Variants in ITGA9 observed in about 807,000 individuals in gnomAD.
The protein encoded by ITGA9 is integrin alpha-9.
ITGA9 carries 56 observed loss-of-function variants against 127.8 expected under a neutral mutation model. The observed-to-expected ratio is 0.44, with a 90% CI of 0.35 to 0.55. ITGA9 has a LOEUF of 0.55. Ranked by LOEUF, ITGA9 falls within the 20% of genes least tolerant of loss-of-function variation. The pLI, the probability that ITGA9 is intolerant of heterozygous loss-of-function variation, is 0.00. For synonymous variants in ITGA9, 508 were observed against 514.5 expected (o/e 0.99, Z 0.17); for missense variants, 1,196 against 1,347.1 (o/e 0.89, Z 1.76).
At chr3:37,772,376 A>G (rs952707439) in intron 23 of ITGA9, among the ~76,000 whole-genome samples, 2 of 152,020 alleles carry the variant, frequency 1.3e-5, no homozygotes, top group Non-Finnish European at 1.5e-5. Context: ...CCACTGCACT[A>G]CAGCCTGGGT....
chr3:37,571,631 A>G (rs538290477), intron 15 of ITGA9, among the ~76,000 whole-genome samples: 6 of 152,288 alleles, frequency 3.9e-5, no homozygotes, highest in African/African-American at 1.4e-4. Flanking sequence ...GGTTGGGACT[A>G]GGAGTGCATT....
At chr3:37,761,680 T>C (rs1696724475) in intron 23 of ITGA9, among the ~76,000 whole-genome samples, 1 of 152,190 alleles carries the variant, frequency 6.6e-6, no homozygotes, top group African/African-American at 2.4e-5. Flanking sequence ...GTGGCTAAGT[T>C]GACGTTCACT....
chr3:37,557,171 T>C (rs556388957), intron 15 of ITGA9, among the ~76,000 whole-genome samples: 2 of 152,324 alleles, frequency 1.3e-5, no homozygotes, highest in East Asian at 3.9e-4. Flanking sequence ...TAAAGTGGTT[T>C]TCCTTCTCCT....
chr3:37,570,345 G>T (rs1699588682), intron 15 of ITGA9, among the ~76,000 whole-genome samples: 1 of 152,258 alleles, frequency 6.6e-6, no homozygotes, highest in African/African-American at 2.4e-5. Context: ...TGGGACAGGA[G>T]TAGGGGAATA....
intron 17 of ITGA9, among the ~76,000 whole-genome samples, chr3:37,657,454 C>G (rs1393604867): frequency 1.3e-5 from 2 of 152,088 alleles, no homozygotes; most frequent in African/African-American, 2.4e-5. Flanking sequence ...TCCATTTCTT[C>G]TAGATTTTCT....
chr3:37,719,868 C>G (rs985385828), intron 18 of ITGA9, among the ~76,000 whole-genome samples: 1 of 152,180 alleles, frequency 6.6e-6, no homozygotes, highest in African/African-American at 2.4e-5. Context: ...TGTGAATAGA[C>G]AGGTCTTCAG....
intron 6 of ITGA9, among the ~76,000 whole-genome samples, chr3:37,504,259 G>C (rs1331292743): frequency 6.6e-6 from 1 of 152,192 alleles, no homozygotes; most frequent in East Asian, 1.9e-4. Flanking sequence ...ATGCCAGGCT[G>C]TATGTATTAT....
chr3:37,735,310 C>T (rs976851725), intron 19 of ITGA9, among the ~76,000 whole-genome samples: 8 of 152,152 alleles, frequency 5.3e-5, no homozygotes, highest in Middle Eastern at 3.2e-3. Context: ...GTCCTCTTCC[C>T]GCCCTGTCTC....
chr3:37,656,432 G>T (rs1700478422), intron 17 of ITGA9, among the ~76,000 whole-genome samples: 1 of 152,032 alleles, frequency 6.6e-6, no homozygotes, highest in Non-Finnish European at 1.5e-5. Context: ...GGATTCCTAG[G>T]TATTTTATTC....
At chr3:37,598,794 A>G (rs1699891351) in intron 15 of ITGA9, among the ~76,000 whole-genome samples, 1 of 152,188 alleles carries the variant, frequency 6.6e-6, no homozygotes, top group African/African-American at 2.4e-5. Flanking sequence ...GGGGAAGCTC[A>G]GAAGTCTCTG....
At chr3:37,603,437 C>A (rs1699940048) in intron 15 of ITGA9, among the ~76,000 whole-genome samples, 1 of 152,072 alleles carries the variant, frequency 6.6e-6, no homozygotes, top group Non-Finnish European at 1.5e-5. Context: ...ACATCAAGGA[C>A]TTGTGTGTTC....
chr3:37,688,380 T>C (rs1700800560), intron 18 of ITGA9, among the ~76,000 whole-genome samples: 1 of 152,206 alleles, frequency 6.6e-6, no homozygotes, highest in Non-Finnish European at 1.5e-5. Context: ...AAACAATTTT[T>C]ATAAATATTT....
chr3:37,500,118 T>C (rs1338666789), intron 5 of ITGA9, among the ~76,000 whole-genome samples: 1 of 152,186 alleles, frequency 6.6e-6, no homozygotes, highest in Non-Finnish European at 1.5e-5. Flanking sequence ...CAAATTCCTT[T>C]CCAAGCTCAA....
chr3:37,476,914 A>G (rs1698500671), intron 3 of ITGA9, among the ~76,000 whole-genome samples: 1 of 152,162 alleles, frequency 6.6e-6, no homozygotes, highest in African/African-American at 2.4e-5. Flanking sequence ...TGAATAATAC[A>G]GGGACTGAGG....
intron 26 of ITGA9, among the ~76,000 whole-genome samples, chr3:37,788,551 A>G (rs1280111946): frequency 6.6e-6 from 1 of 152,132 alleles, no homozygotes; most frequent in Non-Finnish European, 1.5e-5. Context: ...TTCAATCTCA[A>G]AGAGGATACA....
intron 27 of ITGA9, among the ~76,000 whole-genome samples, chr3:37,815,037 GGGGT>G (rs1287909133): frequency 1.3e-5 from 2 of 152,224 alleles, no homozygotes; most frequent in African/African-American, 4.8e-5. Flanking sequence ...GTTTCAGCCA[GGGGT>G]GGGTGGGGGT....
chr3:37,548,492 C>T (rs1004690553), intron 15 of ITGA9, among the ~76,000 whole-genome samples: 1 of 152,134 alleles, frequency 6.6e-6, no homozygotes, highest in Non-Finnish European at 1.5e-5. Flanking sequence ...AAAAAAGTTT[C>T]GTGGAGATTG....
chr3:37,757,797 A>G (rs986988402), intron 23 of ITGA9, among the ~76,000 whole-genome samples: 4 of 151,896 alleles, frequency 2.6e-5, no homozygotes, highest in African/African-American at 9.7e-5. Context: ...CTTAAAAAAA[A>G]TCACCGACCC....
At chr3:37,800,685 T>C (rs1697226415) in intron 26 of ITGA9, among the ~76,000 whole-genome samples, 1 of 152,220 alleles carries the variant, frequency 6.6e-6, no homozygotes, top group African/African-American at 2.4e-5. Flanking sequence ...TAAATGTTCT[T>C]CCCTGAGAAT....
Sources: gnomAD v4.1 joint callset for allele counts (sites outside exome capture counted in the v4.1 genomes callset) on GRCh38, gnomAD v4.1.1 for gene constraint, MANE v1.5 for transcripts, NCBI Gene and HGNC (gene_info 2026-07-23, HGNC 2026-07-21) for gene names.